CYB5RL: variants seen among roughly 807,000 people sequenced by gnomAD.
The protein encoded by CYB5RL is cytochrome b5 reductase like, also known as NADH-cytochrome b5 reductase-like.
A neutral mutation model predicts 37.5 loss-of-function variants in CYB5RL; 38 were observed. The observed-to-expected ratio is 1.01, with a 90% CI of 0.78 to 1.33. The LOEUF is 1.33. Among genes scored for constraint, CYB5RL ranks in the 40% most tolerant of loss-of-function variants. The probability of loss-of-function intolerance (pLI) is 0.00; values close to 1 mark genes in which losing one functional copy is unlikely to be tolerated. For missense variants in CYB5RL, 388 were observed against 394.4 expected (o/e 0.98, Z 0.14); for synonymous variants, 141 against 151.9 (o/e 0.93, Z 0.53).
intron 6 of CYB5RL, chr1:54,180,357 G>A (rs1660129341): frequency 3.1e-6 from 1 of 327,162 alleles, no homozygotes; most frequent in Non-Finnish European, 5.9e-6. Context: ...TGTAATCCCA[G>A]CACCTTGGGA....
At chr1:54,194,842 T>C (rs12120284) in intron 3 of CYB5RL, among the ~76,000 whole-genome samples, 52,939 of 151,996 alleles carry the variant, frequency 0.35, 9,454 homozygotes, top group Middle Eastern at 0.46. Flanking sequence ...AGTTTCCCTA[T>C]CTGTGTTATA....
chr1:54,181,131 C>G (rs1660149386), intron 6 of CYB5RL, among the ~76,000 whole-genome samples: 1 of 152,378 alleles, frequency 6.6e-6, no homozygotes, highest in Non-Finnish European at 1.5e-5. Flanking sequence ...TGTCTGTGCT[C>G]TCTCCAGCCT....
At chr1:54,189,587 C>A (rs1404761193) in intron 4 of CYB5RL, among the ~76,000 whole-genome samples, 1 of 152,148 alleles carries the variant, frequency 6.6e-6, no homozygotes, top group East Asian at 1.9e-4. Flanking sequence ...CATGCTGCAC[C>A]CCACAGTGAC....
Position 54,184,163 on chromosome 1 carries a change from G to C in CYB5RL, c.538C>G (p.Gln180Glu). Residue 180 changes from glutamine (Q) to glutamate (E), a missense_variant and splice_region_variant, in exon 6 of 8, where the codon CAG (glutamine) becomes GAG (glutamate). Physicochemically the swap from Gln to Glu is conservative, Grantham distance 29 (BLOSUM62 2). Coordinates refer to ENST00000534324, the MANE Select transcript of CYB5RL (RefSeq NM_001031672.4). ...AGATTTAAGGTGCTGGCACTGACCT[G>C]GTTTGGTTTATAGAAGAAATCTCCG... ...PFGDFFYKPN[Q>E]YGELLLLAAG... is the part of the protein sequence containing the mutation. 3 of 1,612,666 alleles carry C rather than the reference G, an allele frequency of 1.9e-6. No individual in the cohort carries two copies. Among genetic ancestry groups the C allele is most frequent in the Non-Finnish European group, 1.7e-6 (2 of 1,179,432 alleles).
intron 2 of CYB5RL, among the ~76,000 whole-genome samples, chr1:54,196,049 C>T (rs1283640694): frequency 6.6e-6 from 1 of 152,180 alleles, no homozygotes; most frequent in African/African-American, 2.4e-5. Context: ...ATTCTATCAC[C>T]AAGCATAGCT....
At position 54,184,120 on chromosome 1, in the gene CYB5RL, T is replaced by TCAACAG. The variant is rs764146190; in HGVS notation, c.540+35_540+40dup. On this transcript the variant is annotated intron_variant, in intron 6 of 7. Transcript: ENST00000534324. Reference sequence around the variant, plus strand: ...ATGGGCCGAAACATGAAAACCACAGTCAACAGGGATCTCCTGAAGATTTAA... The same window carrying TCAACAG: ...ATGGGCCGAAACATGAAAACCACAGTCAACAGCAACAGGGATCTCCTGAAGATTTAA... 3 of 1,564,748 alleles carry TCAACAG rather than the reference T, an allele frequency of 1.9e-6. No individual in the cohort carries two copies. The East Asian group carries it at 6.9e-5, about 36-fold the overall frequency.
At chr1:54,175,084 C>A (rs1281164954) in intron 7 of CYB5RL, among the ~76,000 whole-genome samples, 1 of 152,150 alleles carries the variant, frequency 6.6e-6, no homozygotes, top group African/African-American at 2.4e-5. Context: ...AGCAGCAGGA[C>A]CAGAACTCAA....
chr1:54,193,449 A>G (rs911991107), intron 3 of CYB5RL, among the ~76,000 whole-genome samples: 69 of 152,206 alleles, frequency 4.5e-4, no homozygotes, highest in African/African-American at 1.7e-3. Flanking sequence ...AGTGAGAAGA[A>G]AGAAACAGAG....
At chr1:54,182,090 G>A (rs918172185) in intron 6 of CYB5RL, among the ~76,000 whole-genome samples, 1 of 152,228 alleles carries the variant, frequency 6.6e-6, no homozygotes, top group Admixed American at 6.5e-5. Context: ...TCTAGACAAG[G>A]AGGAAACACA....
At chr1:54,187,992 C>T in intron 4 of CYB5RL, 1 of 466,142 alleles carries the variant, frequency 2.1e-6, no homozygotes, top group South Asian at 2.8e-5. Flanking sequence ...ACATGAATCA[C>T]TTGAACCCGG....
At chr1:54,180,150 T>C (rs1239663054) in intron 6 of CYB5RL, 1 of 416,948 alleles carries the variant, frequency 2.4e-6, no homozygotes, top group East Asian at 7.2e-5. Context: ...GGCAGAAGAA[T>C]TGCTTGAGCC....
Position 54,184,130 on chromosome 1 carries a change from TCTC to T in CYB5RL, c.540+28_540+30del. ...ACATGAAAACCACAGTCAACAGGGA[TCTC>T]CTGAAGATTTAAGGTGCTGGCACTG... On this transcript the variant is annotated intron_variant, in intron 6 of 7. Coordinates refer to ENST00000534324, the MANE Select transcript of CYB5RL (RefSeq NM_001031672.4). 4 of 1,586,178 alleles carry T rather than the reference TCTC, an allele frequency of 2.5e-6. No homozygotes were observed. In the Admixed American group the frequency reaches 5.2e-5, roughly 21 times the overall value.
At position 54,190,782 on chromosome 1, in the gene CYB5RL, G is replaced by A. The variant is rs1354375406; in HGVS notation, c.313C>T (p.Leu105Phe). The change falls in exon 4 of 8, where the codon CTT becomes TTT. Residue 105 changes from leucine to phenylalanine, a missense_variant. Physicochemically the swap from Leu to Phe is conservative, Grantham distance 22. Transcript: ENST00000534324. ...AGGTGCTGGCCGGGCCGCAGGCCAA[G>A]CTGGCTGTTCCCGGGTAGAGCAAAC... ...VRFALPGNSQ[L>F]GLRPGQHLIL... The A allele has an allele frequency of 6.4e-7, 1 of 1,562,688 alleles. No individual in the cohort carries two copies. Among genetic ancestry groups the A allele is most frequent in the Non-Finnish European group, 8.7e-7 (1 of 1,153,530 alleles).
At chr1:54,191,779 C>T (rs1293087884) in intron 3 of CYB5RL, among the ~76,000 whole-genome samples, 1 of 152,216 alleles carries the variant, frequency 6.6e-6, no homozygotes, top group Non-Finnish European at 1.5e-5. Flanking sequence ...CCTTCCCACA[C>T]CCACCATCCA....
rs1209717311 is a variant in CYB5RL, at chr1:54,191,430, GA to G, written c.199-535del. ...CCAATATCTGTGTATTACATATGTG[GA>G]AACTGAGGCCTGAGTTGAGTCATGC... is the stretch of plus-strand genomic sequence containing the variant. On this transcript the variant is annotated intron_variant, in intron 3 of 7. Transcript: ENST00000534324. Among the ~76,000 whole-genome samples, 4 of 152,146 alleles carry G rather than the reference GA, an allele frequency of 2.6e-5. No homozygotes were observed. In the South Asian group the frequency reaches 6.2e-4, roughly 24 times the overall value.
intron 7 of CYB5RL, among the ~76,000 whole-genome samples, chr1:54,175,184 T>C (rs534524664): frequency 6.6e-6 from 1 of 152,356 alleles, no homozygotes; most frequent in South Asian, 2.1e-4. Context: ...CCCAGAATCT[T>C]TCCAAGGTTA....
chr1:54,190,914 C>G lies in CYB5RL; in HGVS notation c.199-18G>C, dbSNP rs553055667. 6.2e-7 allele frequency: 1 copy of G among 1,608,558 alleles called. No individual in the cohort carries two copies. Among genetic ancestry groups the G allele is most frequent in the South Asian group, 1.1e-5 (1 of 90,102 alleles). On this transcript the variant is annotated intron_variant, in intron 3 of 7. Coordinates refer to ENST00000534324, the MANE Select transcript of CYB5RL (RefSeq NM_001031672.4). ...GGGCAGCTCTGCAACAGGAAGAGATCCAACAGCTAGAGGCCGGGGCTCCAC... is the reference window on the plus strand; with the variant it reads ...GGGCAGCTCTGCAACAGGAAGAGATGCAACAGCTAGAGGCCGGGGCTCCAC...
chr1:54,182,461 G>A lies in CYB5RL; in HGVS notation c.540+1700C>T, dbSNP rs141889039. ...GTGTCTGGGTAGAATGCCTGTGAGT[G>A]TTTTTTCTTTTCTTTTTTTTTTGTC... On this transcript the variant is annotated intron_variant, in intron 6 of 7. Transcript: ENST00000534324. Among the ~76,000 whole-genome samples the A allele has an allele frequency of 2.1e-4, 32 of 150,294 alleles. No homozygotes were observed. In the Middle Eastern group the frequency reaches 0.01, roughly 48 times the overall value.
Position 54,194,004 on chromosome 1 carries a change from CAAT to C in CYB5RL, c.198+1412_198+1414del, listed in dbSNP as rs71066906. On this transcript the variant is annotated intron_variant, in intron 3 of 7. Coordinates refer to ENST00000534324, the MANE Select transcript of CYB5RL (RefSeq NM_001031672.4). ...AATAATAATAAGTGAGACTCTTCCT[CAAT>C]AATAATAATAATAATAATAATGATA... Among the ~76,000 whole-genome samples the C allele has an allele frequency of 3.6e-4, 53 of 146,578 alleles. 1 individual carries two copies. Among genetic ancestry groups the C allele is most frequent in the Admixed American group, 4.8e-4 (7 of 14,572 alleles).
Sources: allele counts gnomAD v4.1 joint callset (sites outside exome capture counted in the v4.1 genomes callset), GRCh38; gene constraint gnomAD v4.1.1; transcripts MANE v1.5; gene names NCBI Gene and HGNC (gene_info 2026-07-23, HGNC 2026-07-21).